Variants in MRPL35 observed in about 807,000 individuals in gnomAD.
MRPL35 encodes mitochondrial ribosomal protein L35, also known as large ribosomal subunit protein bL35m.
In MRPL35, 18 loss-of-function variants were observed where a neutral mutation model predicts 21.6. The ratio of observed to expected loss-of-function variants is 0.83; its 90% CI spans 0.58 to 1.24. The LOEUF is 1.24. Among genes scored for constraint, MRPL35 ranks in the 50% most tolerant of loss-of-function variants. The probability of loss-of-function intolerance (pLI) is 0.00; values close to 1 mark genes in which losing one functional copy is unlikely to be tolerated. For synonymous variants in MRPL35, 87 were observed against 86.9 expected (o/e 1.00, Z -0.01); for missense variants, 223 against 223.2 (o/e 1.00, Z 0.01).
At chr2:86,208,242 A>G (rs1354524597) in intron 3 of MRPL35, among the ~76,000 whole-genome samples, 3 of 152,026 alleles carry the variant, frequency 2.0e-5, no homozygotes, top group African/African-American at 4.8e-5. Context: ...TAAAGGTCTA[A>G]TGTTCTGAGT....
At position 86,206,237 on chromosome 2, in the gene MRPL35, A is replaced by G. The variant is rs779614148; in HGVS notation, c.175A>G (p.Arg59Gly). ...GACACCAGTTGTTTCCTCCACTCCC[A>G]GACTTACCACATCTGAGAGAAACCT... ...IQTPVVSSTPRLTTSERNLTC... is the reference protein window; with the variant it reads ...IQTPVVSSTPGLTTSERNLTC... Residue 59 changes from arginine (R) to glycine (G), a missense_variant, in exon 2 of 4, where the codon AGA becomes GGA. Arg to Gly is a moderately radical substitution (Grantham distance 125). Transcript: ENST00000337109. The G allele has an allele frequency of 6.2e-7, 1 of 1,613,756 alleles. No individual in the cohort carries two copies. Among genetic ancestry groups the G allele is most frequent in the African/African-American group, 1.3e-5 (1 of 75,058 alleles).
At chr2:86,208,338 A>C in intron 3 of MRPL35, among the ~76,000 whole-genome samples, 1 of 149,812 alleles carries the variant, frequency 6.7e-6, no homozygotes. Flanking sequence ...ACAAAGTGTC[A>C]CTCTATCGCC....
Position 86,211,589 on chromosome 2 carries a change from C to A in MRPL35, c.*921C>A. 1.0e-6 allele frequency: 1 copy of A among 985,332 alleles called. No homozygotes were observed. The highest frequency in any genetic ancestry group is 1.2e-6 in the Non-Finnish European group (1 of 829,920). 61.0% of individuals were successfully genotyped at this position (985,332 alleles called of 1,614,324 possible). On this transcript the variant is annotated 3_prime_UTR_variant, in exon 4 of 4. Transcript: ENST00000337109. ...ATTTTTTCATAGGAGAGTAAATAGC[C>A]CTTCAGCATGCTCATTCATGAAACA...
In MRPL35 at chr2:86,212,544, A is replaced by G. The variant is rs1673927964; in HGVS notation, c.*1876A>G. 1.3e-6 allele frequency: 2 copies of G among 1,590,004 alleles called. No individual in the cohort carries two copies. Among genetic ancestry groups the G allele is most frequent in the South Asian group, 2.3e-5 (2 of 87,554 alleles). On this transcript the variant is annotated 3_prime_UTR_variant, in exon 4 of 4. Coordinates refer to ENST00000337109, the MANE Select transcript of MRPL35 (RefSeq NM_016622.4). ...GTGCCTGCAGAAGTTGGGGAGAAGG[A>G]TACTTTTGCACAGCCTCCATGATGT...
intron 3 of MRPL35, among the ~76,000 whole-genome samples, chr2:86,209,275 A>T (rs1374320503): frequency 6.6e-6 from 1 of 152,236 alleles, no homozygotes; most frequent in African/African-American, 2.4e-5. Flanking sequence ...GGTCACAGTG[A>T]TGATACTAAG....
At chr2:86,206,407 A>G (rs1673792968) in intron 2 of MRPL35, 112 bp downstream of exon 2, 4 of 994,268 alleles carry the variant, frequency 4.0e-6, no homozygotes, top group African/African-American at 3.3e-5. Flanking sequence ...TTCTCAGCTC[A>G]CTGCAACCTC....
chr2:86,213,357 CT>C lies in MRPL35; in HGVS notation c.*2696del. On this transcript the variant is annotated 3_prime_UTR_variant, in exon 4 of 4. Transcript: ENST00000337109. ...GTAAATAAACGAATGGATTTCCAGC[CT>C]TTTTTTCCCATCTGTTCCTGCTTTT... 1.7e-5 allele frequency: 21 copies of C among 1,247,070 alleles called. No individual in the cohort carries two copies. Among genetic ancestry groups the C allele is most frequent in the East Asian group, 3.3e-5 (1 of 30,572 alleles). The allele number at this position is 1,247,070 out of a possible 1,614,324, so 77.3% of individuals were successfully genotyped here.
Position 86,212,547 on chromosome 2 carries a change from CT to C in MRPL35, c.*1883del, listed in dbSNP as rs1332729402. The stretch of plus-strand genomic sequence containing the variant: ...CCTGCAGAAGTTGGGGAGAAGGATA[CT>C]TTTGCACAGCCTCCATGATGTCTTT... On this transcript the variant is annotated 3_prime_UTR_variant, in exon 4 of 4. Transcript: ENST00000337109. 3.0e-5 allele frequency: 48 copies of C among 1,584,972 alleles called. No individual in the cohort carries two copies. The highest frequency in any genetic ancestry group is 3.9e-5 in the Non-Finnish European group (45 of 1,166,486).
chr2:86,207,465 T>A, intron 3 of MRPL35, 138 bp downstream of exon 3: 1 of 887,594 alleles, frequency 1.1e-6, no homozygotes, highest in South Asian at 2.0e-5. Flanking sequence ...ATGGTGAAAC[T>A]CCATCTCTAC....
At chr2:86,203,080 CTT>C (rs35289845) in intron 1 of MRPL35, among the ~76,000 whole-genome samples, 10 of 132,004 alleles carry the variant, frequency 7.6e-5, no homozygotes, top group Admixed American at 1.6e-4. Flanking sequence ...GTGGGAAATT[CTT>C]TTTTTTTTTT....
chr2:86,204,418 C>CTT (rs773735586), intron 1 of MRPL35, among the ~76,000 whole-genome samples: 4 of 112,720 alleles, frequency 3.5e-5, no homozygotes, highest in African/African-American at 1.3e-4. Flanking sequence ...AGCTTTAGGA[C>CTT]TTTTTTTTTT....
chr2:86,209,815 C>T (rs1449390066), intron 3 of MRPL35, among the ~76,000 whole-genome samples: 2 of 152,148 alleles, frequency 1.3e-5, no homozygotes, highest in Admixed American at 1.3e-4. Context: ...CTCTTATTAG[C>T]CTGGGCAAGA....
rs115640366 is a variant in MRPL35 at position 86,208,629 on chromosome 2, G to A, written c.378+1302G>A. Among the ~76,000 whole-genome samples the A allele has an allele frequency of 4.1e-3, 627 of 152,246 alleles. 5 individuals are homozygous for A. The highest frequency in any genetic ancestry group is 0.014 in the African/African-American group (594 of 41,560). On this transcript the variant is annotated intron_variant, in intron 3 of 3. Transcript: ENST00000337109. ...GCCCCACCCTTTGGTTTTTATACCAGTTATTTCCAGGTCCTCTTCTAGCCC... is the reference window on the plus strand; with the variant it reads ...GCCCCACCCTTTGGTTTTTATACCAATTATTTCCAGGTCCTCTTCTAGCCC...
chr2:86,210,193 C>T (rs1280591177), intron 3 of MRPL35, among the ~76,000 whole-genome samples: 1 of 152,098 alleles, frequency 6.6e-6, no homozygotes, highest in Non-Finnish European at 1.5e-5. Context: ...TGTACTTTCC[C>T]AGCCACACAC....
chr2:86,203,426 G>T (rs978552468), intron 1 of MRPL35, among the ~76,000 whole-genome samples: 5 of 152,156 alleles, frequency 3.3e-5, no homozygotes, highest in Non-Finnish European at 5.9e-5. Context: ...GTGATCGGTG[G>T]CAGTCAAAAC....
intron 1 of MRPL35, among the ~76,000 whole-genome samples, chr2:86,202,234 T>C (rs988973011): frequency 6.6e-6 from 1 of 152,196 alleles, no homozygotes; most frequent in African/African-American, 2.4e-5. Context: ...GTTGTTCCCG[T>C]AACCATTTTT....
intron 1 of MRPL35, among the ~76,000 whole-genome samples, chr2:86,204,723 G>A (rs1033316848): frequency 6.6e-6 from 1 of 152,130 alleles, no homozygotes; most frequent in Non-Finnish European, 1.5e-5. Flanking sequence ...CTCCCCAGGC[G>A]TCTCTGATAG....
chr2:86,210,937 A>C lies in MRPL35; in HGVS notation c.*269A>C, dbSNP rs1376191045. On this transcript the variant is annotated 3_prime_UTR_variant, in exon 4 of 4. Transcript: ENST00000337109. The stretch of plus-strand genomic sequence containing the variant: ...TTTCAGTTATGCTCTTTTAGTTGCA[A>C]GGAATCTCAAGTGGGACAAACATAA... The C allele has an allele frequency of 1.9e-6, 2 of 1,074,832 alleles. No individual in the cohort carries two copies. The highest frequency in any genetic ancestry group is 2.3e-6 in the Non-Finnish European group (2 of 887,648). The allele number at this position is 1,074,832 out of a possible 1,614,324, so 66.6% of individuals were successfully genotyped here.
chr2:86,201,814 A>C (rs1019488918), intron 1 of MRPL35, among the ~76,000 whole-genome samples: 1 of 152,092 alleles, frequency 6.6e-6, no homozygotes, highest in Non-Finnish European at 1.5e-5. Context: ...AGTCTCCTCC[A>C]CTCCCATCCA....
Sources: gnomAD v4.1 joint callset for allele counts (sites outside exome capture counted in the v4.1 genomes callset) on GRCh38, gnomAD v4.1.1 for gene constraint, MANE v1.5 for transcripts, NCBI Gene and HGNC (gene_info 2026-07-23, HGNC 2026-07-21) for gene names.